SNF8: variants seen among roughly 807,000 people sequenced by gnomAD.
SNF8 encodes SNF8 subunit of ESCRT-II, also known as vacuolar-sorting protein SNF8.
Under a neutral mutation model 36.8 loss-of-function variants are expected in SNF8, and 19 were observed. The ratio of observed to expected loss-of-function variants is 0.52; its 90% CI spans 0.36 to 0.76. The LOEUF (loss-of-function observed/expected upper bound fraction) is 0.76, where lower values mean the gene tolerates loss of function less well. SNF8 is among the 30% of genes least tolerant of loss of function. The pLI, the probability that SNF8 is intolerant of heterozygous loss-of-function variation, is 0.00. For synonymous variants in SNF8, 127 were observed against 127.4 expected (o/e 1.00, Z 0.02); for missense variants, 268 against 322.9 (o/e 0.83, Z 1.30).
In SNF8 at chr17:48,936,892, G is replaced by GA; in HGVS notation, c.349+127dup. 5 of 730,518 alleles carry GA rather than the reference G, an allele frequency of 6.8e-6. No individual in the cohort carries two copies. In the South Asian group the frequency reaches 8.1e-5, roughly 12 times the overall value. 45.3% of individuals were successfully genotyped at this position (730,518 alleles called of 1,614,324 possible). ...AGACTTGCCATGGATTCAACTGCAT[G>GA]AAACAGCTAAGATGTCTCTCAAGTC... On this transcript the variant is annotated intron_variant, in intron 4 of 7. Transcript: ENST00000502492.
intron 1 of SNF8, 89 bp downstream of exon 1, chr17:48,944,592 A>T: frequency 7.3e-7 from 1 of 1,370,754 alleles, no homozygotes; most frequent in Non-Finnish European, 1.0e-6. Context: ...TTCTGTTGGG[A>T]GGTGATTAAC....
chr17:48,943,896 CCCTG>C, intron 2 of SNF8, 25 bp downstream of exon 2: 1 of 1,610,906 alleles, frequency 6.2e-7, no homozygotes, highest in Non-Finnish European at 8.5e-7. Context: ...AGGTCTCCCT[CCCTG>C]CCTGGGGCCC....
intron 3 of SNF8, among the ~76,000 whole-genome samples, chr17:48,938,847 T>A (rs1446868373): frequency 6.8e-6 from 1 of 146,690 alleles, no homozygotes; most frequent in Admixed American, 7.0e-5. Flanking sequence ...CACTCCAGCA[T>A]GGGCAACAAG....
At chr17:48,939,303 T>TG (rs1360011884) in intron 3 of SNF8, among the ~76,000 whole-genome samples, 15 of 147,290 alleles carry the variant, frequency 1.0e-4, no homozygotes, top group African/African-American at 3.8e-4. Context: ...CCAGGCACGG[T>TG]GACTCATGCC....
rs559248753 is a variant in SNF8, at chr17:48,938,223, G to A, written c.245-1099C>T. On this transcript the variant is annotated intron_variant, in intron 3 of 7. Coordinates refer to ENST00000502492, the MANE Select transcript of SNF8 (RefSeq NM_007241.4). ...ATTCAGTGAAAAATGCAGGTTGGGC[G>A]CAGTGGCTCACGCCTGTAATCCCAG... Among the ~76,000 whole-genome samples the A allele has an allele frequency of 1.1e-4, 16 of 152,156 alleles. No individual in the cohort carries two copies. In the South Asian group the frequency reaches 3.1e-3, roughly 30 times the overall value.
intron 7 of SNF8, among the ~76,000 whole-genome samples, chr17:48,931,258 G>A (rs1220931673): frequency 6.6e-6 from 1 of 152,152 alleles, no homozygotes; most frequent in Non-Finnish European, 1.5e-5. Context: ...TATATACTAT[G>A]CAATATAATG....
At position 48,943,934 on chromosome 17, in the gene SNF8, C is replaced by T. The variant is rs780077263; in HGVS notation, c.96G>A (p.Gln32=). The part of the protein sequence containing the change: ...KERGTVLAED[Q]LAQMSKQLDM... ...CCCCCAACCGACTTACCTGGGCTAG[C>T]TGGTCCTCAGCCAAGACCGTCCCTC... The change falls in exon 2 of 8, where the codon CAG becomes CAA. Residue 32 remains glutamine, a synonymous_variant. Coordinates refer to ENST00000502492, the MANE Select transcript of SNF8 (RefSeq NM_007241.4). 6.2e-7 allele frequency: 1 copy of T among 1,614,030 alleles called. No homozygotes were observed. Among genetic ancestry groups the T allele is most frequent in the African/African-American group, 1.3e-5 (1 of 75,046 alleles).
At chr17:48,944,161 A>C (rs1368680872) in intron 1 of SNF8, 186 bp from the exon 2 acceptor site, 2 of 526,904 alleles carry the variant, frequency 3.8e-6, no homozygotes, top group Admixed American at 6.1e-5. Context: ...AAATAGCCGG[A>C]CGTGGTGGTG....
At chr17:48,939,010 G>A (rs1192345656) in intron 3 of SNF8, among the ~76,000 whole-genome samples, 1 of 152,040 alleles carries the variant, frequency 6.6e-6, no homozygotes, top group African/African-American at 2.4e-5. Flanking sequence ...TGTAATCCCA[G>A]TACTTTGGGA....
Position 48,929,605 on chromosome 17 carries a change from A to G in SNF8, c.*870T>C, listed in dbSNP as rs1246193691. On this transcript the variant is annotated 3_prime_UTR_variant, in exon 8 of 8. Coordinates refer to ENST00000502492, the MANE Select transcript of SNF8 (RefSeq NM_007241.4). ...TGACCACGTGTGTAGAAAAATGTCT[A>G]CACACAGTATGTGCTGCCATTCTGT... 1 of 152,144 alleles carries G rather than the reference A, an allele frequency of 6.6e-6. No homozygotes were observed. Among genetic ancestry groups the G allele is most frequent in the South Asian group, 2.1e-4 (1 of 4,834 alleles). 9.4% of individuals were successfully genotyped at this position (152,144 alleles called of 1,614,324 possible).
intron 5 of SNF8, among the ~76,000 whole-genome samples, chr17:48,934,934 CTTTTATCTTT>C (rs2143800351): frequency 6.6e-6 from 1 of 152,224 alleles, no homozygotes; most frequent in East Asian, 1.9e-4. Flanking sequence ...CAAAAACAGC[CTTTTATCTTT>C]TCTCAAACTG....
chr17:48,936,235 T>A lies in SNF8; in HGVS notation c.357A>T (p.Ile119=). 1 of 1,613,546 alleles carries A rather than the reference T, an allele frequency of 6.2e-7. No homozygotes were observed. The highest frequency in any genetic ancestry group is 8.5e-7 in the Non-Finnish European group (1 of 1,179,516). The change falls in exon 5 of 8, where the codon ATA becomes ATT. Residue 119 remains isoleucine, a synonymous_variant. Coordinates refer to ENST00000502492, the MANE Select transcript of SNF8 (RefSeq NM_007241.4). The part of the protein sequence containing the change: ...LALKHRNGGL[I]TLEELHQQVL... ...CCTGTTGATGTAGTTCCTCCAAAGT[T>A]ATCAGACCTGTTTGGAGACAGGGAA... is the stretch of plus-strand genomic sequence containing the variant.
intron 2 of SNF8, among the ~76,000 whole-genome samples, chr17:48,942,016 T>TA (rs1044180087): frequency 1.3e-5 from 2 of 151,524 alleles, no homozygotes; most frequent in African/African-American, 2.4e-5. Context: ...CAATATAAAT[T>TA]AAAAAAACAA....
intron 3 of SNF8, among the ~76,000 whole-genome samples, chr17:48,937,939 A>C (rs1339049469): frequency 1.1e-5 from 1 of 90,700 alleles, no homozygotes; most frequent in Non-Finnish European, 2.3e-5. Context: ...AAAATAAATA[A>C]ATAAAAATAA....
At chr17:48,941,930 G>GCC in intron 2 of SNF8, among the ~76,000 whole-genome samples, 1 of 151,896 alleles carries the variant, frequency 6.6e-6, no homozygotes, top group East Asian at 1.9e-4. Context: ...ACCTCAAACA[G>GCC]TCCATCTGTC....
chr17:48,944,377 A>C (rs899143919), intron 1 of SNF8, among the ~76,000 whole-genome samples: 3 of 152,284 alleles, frequency 2.0e-5, no homozygotes, highest in African/African-American at 7.2e-5. Context: ...CTTTGGGATG[A>C]AAAGAGGAGG....
chr17:48,937,995 C>T (rs1051517331), intron 3 of SNF8, among the ~76,000 whole-genome samples: 1 of 151,800 alleles, frequency 6.6e-6, no homozygotes. Flanking sequence ...TTCTATTTGG[C>T]TAATTCTGGC....
intron 5 of SNF8, among the ~76,000 whole-genome samples, chr17:48,933,994 G>A (rs1037010745): frequency 2.0e-5 from 3 of 152,196 alleles, no homozygotes; most frequent in Non-Finnish European, 4.4e-5. Flanking sequence ...TTTTAAAGGG[G>A]GCAACCCAGC....
chr17:48,938,855 A>G (rs1291574518), intron 3 of SNF8, among the ~76,000 whole-genome samples: 1 of 151,654 alleles, frequency 6.6e-6, no homozygotes, highest in African/African-American at 2.4e-5. Flanking sequence ...CATGGGCAAC[A>G]AGAGCGAGAC....
Sources: gnomAD v4.1 joint callset for allele counts (sites outside exome capture counted in the v4.1 genomes callset) on GRCh38, gnomAD v4.1.1 for gene constraint, MANE v1.5 for transcripts, NCBI Gene and HGNC (gene_info 2026-07-23, HGNC 2026-07-21) for gene names.